The following MAPK4 variants were observed in gnomAD, a reference collection of about 807,000 sequenced individuals.
MAPK4 encodes the protein Erk3-related.
In MAPK4, 22 loss-of-function variants were observed where a neutral mutation model predicts 47.7. The observed-to-expected ratio is 0.46, with a 90% CI of 0.33 to 0.66. The LOEUF (loss-of-function observed/expected upper bound fraction) is 0.66. Ranked by LOEUF, MAPK4 falls within the 30% of genes least tolerant of loss-of-function variation. The probability of loss-of-function intolerance (pLI) is 0.02; values close to 1 mark genes in which losing one functional copy is unlikely to be tolerated. For missense variants in MAPK4, 736 were observed against 831.7 expected (o/e 0.88, Z 1.42); for synonymous variants, 390 against 365.7 (o/e 1.07, Z -0.76).
intron 1 of MAPK4, among the ~76,000 whole-genome samples, chr18:50,586,528 A>T (rs1441265736): frequency 6.6e-6 from 1 of 151,946 alleles, no homozygotes; most frequent in Non-Finnish European, 1.5e-5. Context: ...CTAGGTACAT[A>T]GAGTTGGGCA....
chr18:50,691,378 A>G (rs1297706757), intron 2 of MAPK4, among the ~76,000 whole-genome samples: 1 of 151,942 alleles, frequency 6.6e-6, no homozygotes, highest in Non-Finnish European at 1.5e-5. Flanking sequence ...AAGGCAAAGC[A>G]TGTCCTGGGA....
At chr18:50,575,459 G>A (rs2042286604) in intron 1 of MAPK4, among the ~76,000 whole-genome samples, 1 of 152,180 alleles carries the variant, frequency 6.6e-6, no homozygotes, top group Admixed American at 6.5e-5. Flanking sequence ...TTTTAAACAT[G>A]CTGAGAACAG....
At chr18:50,567,650 A>G (rs2042210733) in intron 1 of MAPK4, among the ~76,000 whole-genome samples, 2 of 152,176 alleles carry the variant, frequency 1.3e-5, no homozygotes, top group Non-Finnish European at 2.9e-5. Flanking sequence ...GTGACAAAGT[A>G]AAGGTGTCTT....
chr18:50,599,978 T>C (rs2042520574), intron 1 of MAPK4, among the ~76,000 whole-genome samples: 1 of 152,158 alleles, frequency 6.6e-6, no homozygotes, highest in South Asian at 2.1e-4. Context: ...TACATATAAT[T>C]AGGTAATATC....
chr18:50,621,641 GA>G (rs1295972185), intron 1 of MAPK4, among the ~76,000 whole-genome samples: 2 of 152,190 alleles, frequency 1.3e-5, no homozygotes, highest in African/African-American at 4.8e-5. Context: ...GCACAGACAG[GA>G]TCCCAGATGG....
At chr18:50,711,179 C>T (rs1910340045) in intron 2 of MAPK4, among the ~76,000 whole-genome samples, 4 of 152,226 alleles carry the variant, frequency 2.6e-5, no homozygotes, top group Admixed American at 2.6e-4. Context: ...TCAGGGGCCC[C>T]TAATTATGCT....
At chr18:50,581,887 A>T (rs1200373964) in intron 1 of MAPK4, among the ~76,000 whole-genome samples, 2 of 152,342 alleles carry the variant, frequency 1.3e-5, no homozygotes, top group South Asian at 4.1e-4. Context: ...AACTTTTAAT[A>T]ATAAGCACCA....
At chr18:50,666,601 C>T (rs1483112248) in intron 2 of MAPK4, among the ~76,000 whole-genome samples, 1 of 147,260 alleles carries the variant, frequency 6.8e-6, no homozygotes. Flanking sequence ...AAGCCACTTC[C>T]CTGGTTGAGA....
intron 3 of MAPK4, among the ~76,000 whole-genome samples, chr18:50,720,385 A>G (rs1910871490): frequency 1.3e-5 from 2 of 152,154 alleles, no homozygotes; most frequent in African/African-American, 4.8e-5. Context: ...CCAAGTATAA[A>G]TAATCATCCT....
At chr18:50,608,717 T>A (rs2042605010) in intron 1 of MAPK4, among the ~76,000 whole-genome samples, 1 of 152,026 alleles carries the variant, frequency 6.6e-6, no homozygotes, top group Non-Finnish European at 1.5e-5. Flanking sequence ...TTATTTTATT[T>A]TATTATTATT....
chr18:50,717,905 A>T (rs1910726726), intron 3 of MAPK4, among the ~76,000 whole-genome samples: 1 of 152,230 alleles, frequency 6.6e-6, no homozygotes, highest in African/African-American at 2.4e-5. Context: ...ACAGCTGCTC[A>T]TCTGCTGTGT....
intron 1 of MAPK4, among the ~76,000 whole-genome samples, chr18:50,598,960 T>C (rs1349683925): frequency 6.6e-6 from 1 of 152,222 alleles, no homozygotes; most frequent in East Asian, 1.9e-4. Context: ...TGATTGGTGA[T>C]GTTAACCTTG....
intron 1 of MAPK4, among the ~76,000 whole-genome samples, chr18:50,648,760 C>T (rs571557994): frequency 6.6e-6 from 1 of 152,164 alleles, no homozygotes; most frequent in Admixed American, 6.5e-5. Context: ...AGCATCGCCA[C>T]GATAAGGCTT....
In MAPK4 at chr18:50,619,392, T is replaced by C. The variant is rs781383490; in HGVS notation, c.-870-43697T>C. ...TGTGGTGATACCACATAGCTCACTG[T>C]AACCTTGAACTCCTGGACCCAAGTG... On this transcript the variant is annotated intron_variant, in intron 1 of 5. Coordinates refer to ENST00000400384, the MANE Select transcript of MAPK4 (RefSeq NM_002747.4). 6.6e-5 allele frequency among the ~76,000 whole-genome samples: 10 copies of C among 152,342 alleles called. No homozygotes were observed. In the East Asian group the frequency reaches 1.9e-3, roughly 29 times the overall value.
chr18:50,578,240 A>G (rs898562350), intron 1 of MAPK4, among the ~76,000 whole-genome samples: 1 of 152,210 alleles, frequency 6.6e-6, no homozygotes, highest in Non-Finnish European at 1.5e-5. Flanking sequence ...GTGGCCAGAG[A>G]GTTCATTGAA....
In MAPK4 at chr18:50,663,812, G is replaced by T; in HGVS notation, c.-147G>T. 3.1e-6 allele frequency: 2 copies of T among 654,134 alleles called. No homozygotes were observed. Among genetic ancestry groups the T allele is most frequent in the Admixed American group, 5.8e-5 (2 of 34,556 alleles). 40.5% of individuals were successfully genotyped at this position (654,134 alleles called of 1,614,324 possible). On this transcript the variant is annotated 5_prime_UTR_variant, in exon 2 of 6. Transcript: ENST00000400384. ...ATGCCATTCTCGTCTCCAGAGAGCT[G>T]GTGGCAGTGACCTCACTAGGAGAAA...
intron 2 of MAPK4, among the ~76,000 whole-genome samples, chr18:50,677,925 A>G (rs1271569266): frequency 6.6e-6 from 1 of 152,044 alleles, no homozygotes; most frequent in African/African-American, 2.4e-5. Context: ...GGAAGAGGAG[A>G]CTTCTGGACA....
At chr18:50,710,889 A>G (rs1339733779) in intron 2 of MAPK4, among the ~76,000 whole-genome samples, 1 of 152,242 alleles carries the variant, frequency 6.6e-6, no homozygotes, top group Non-Finnish European at 1.5e-5. Context: ...TAGAAAGTTT[A>G]TTGGATTGAG....
rs1911503782 is a variant in MAPK4 at position 50,730,510 on chromosome 18, A to G, written c.*656A>G. 1 of 152,642 alleles carries G rather than the reference A, an allele frequency of 6.6e-6. No individual in the cohort carries two copies. The highest frequency in any genetic ancestry group is 1.5e-5 in the Non-Finnish European group (1 of 68,060). 9.5% of individuals were successfully genotyped at this position (152,642 alleles called of 1,614,324 possible). A position where few individuals can be genotyped will look rare whatever the true frequency, so the allele number is the denominator to read the frequency against. On this transcript the variant is annotated 3_prime_UTR_variant, in exon 6 of 6. Transcript: ENST00000400384. ...ACCAGTTTGTTTCTCCTAGTCACCA[A>G]GCATACTTTCCTGGCTCCCCAAGTA...
Sources: allele counts gnomAD v4.1 joint callset (sites outside exome capture counted in the v4.1 genomes callset), GRCh38; gene constraint gnomAD v4.1.1; transcripts MANE v1.5; gene names NCBI Gene and HGNC (gene_info 2026-07-23, HGNC 2026-07-21).